CNTNAP2: variants seen among roughly 807,000 people sequenced by gnomAD.
CNTNAP2 encodes the protein contactin-associated protein-like 2.
In CNTNAP2, 98 loss-of-function variants were observed where a neutral mutation model predicts 155.2. The observed-to-expected ratio is 0.63, with a 90% CI of 0.54 to 0.75. The LOEUF is 0.75. CNTNAP2 is among the 30% of genes least tolerant of loss of function. The pLI is 0.00. For missense variants in CNTNAP2, 1,727 were observed against 1,688.1 expected, an observed-to-expected ratio of 1.02 and a Z score of -0.40; for synonymous variants, 651 against 631.2, an observed-to-expected ratio of 1.03 and a Z score of -0.47.
At chr7:146,744,698 A>C (rs1328973776) in intron 1 of CNTNAP2, among the ~76,000 whole-genome samples, 3 of 152,208 alleles carry the variant, frequency 2.0e-5, no homozygotes, top group South Asian at 2.1e-4. Context: ...ATTAAATAAA[A>C]TGGGTGAATA....
chr7:147,892,306 CAT>C (rs1290980102), intron 13 of CNTNAP2, among the ~76,000 whole-genome samples: 2 of 152,124 alleles, frequency 1.3e-5, no homozygotes, highest in East Asian at 3.8e-4. Context: ...GGAAAGAAGA[CAT>C]ATTTTTATAA....
At chr7:147,042,637 A>T (rs1163245606) in intron 3 of CNTNAP2, among the ~76,000 whole-genome samples, 1 of 152,194 alleles carries the variant, frequency 6.6e-6, no homozygotes, top group African/African-American at 2.4e-5. Flanking sequence ...TTTAAAAGAC[A>T]AAACTCCTGG....
At chr7:148,223,447 A>G (rs1220560718) in intron 19 of CNTNAP2, among the ~76,000 whole-genome samples, 1 of 152,202 alleles carries the variant, frequency 6.6e-6, no homozygotes, top group African/African-American at 2.4e-5. Context: ...AAATCTGTTA[A>G]GCATGTTATT....
chr7:147,236,978 T>C (rs1803819823), intron 8 of CNTNAP2, among the ~76,000 whole-genome samples: 1 of 151,326 alleles, frequency 6.6e-6, no homozygotes. Context: ...GTCAAAAACA[T>C]GATGACTTAA....
At chr7:147,316,337 C>A (rs1322571174) in intron 9 of CNTNAP2, among the ~76,000 whole-genome samples, 2 of 151,950 alleles carry the variant, frequency 1.3e-5, no homozygotes, top group Non-Finnish European at 2.9e-5. Context: ...CCTTAGATTT[C>A]ATGAAATGGA....
intron 21 of CNTNAP2, among the ~76,000 whole-genome samples, chr7:148,289,616 G>A (rs1041151306): frequency 6.6e-6 from 1 of 152,146 alleles, no homozygotes; most frequent in Non-Finnish European, 1.5e-5. Flanking sequence ...ATGTTGGGGA[G>A]GCGGGTAAAG....
chr7:146,199,877 T>A (rs6464733), intron 1 of CNTNAP2, among the ~76,000 whole-genome samples: 44,018 of 152,108 alleles, frequency 0.29, 7,221 homozygotes, highest in African/African-American at 0.44. Context: ...AATATTTCTG[T>A]TTCTATGCTT....
intron 9 of CNTNAP2, among the ~76,000 whole-genome samples, chr7:147,321,175 C>T (rs886843514): frequency 6.6e-6 from 1 of 152,174 alleles, no homozygotes; most frequent in Non-Finnish European, 1.5e-5. Flanking sequence ...GCACCTCCCT[C>T]CTTTTCTTCT....
At chr7:146,808,836 A>C (rs1803013786) in intron 2 of CNTNAP2, among the ~76,000 whole-genome samples, 2 of 152,146 alleles carry the variant, frequency 1.3e-5, no homozygotes, top group South Asian at 4.1e-4. Flanking sequence ...TATTCATAAA[A>C]TGTCCCTCCA....
chr7:146,154,841 A>C (rs1307096122), intron 1 of CNTNAP2, among the ~76,000 whole-genome samples: 1 of 152,190 alleles, frequency 6.6e-6, no homozygotes, highest in Non-Finnish European at 1.5e-5. Flanking sequence ...ACCTGGGAAG[A>C]GGGTATTCCT....
intron 13 of CNTNAP2, among the ~76,000 whole-genome samples, chr7:147,738,568 C>A (rs1796897990): frequency 6.6e-6 from 1 of 151,846 alleles, no homozygotes; most frequent in African/African-American, 2.4e-5. Flanking sequence ...AGCAATGAAG[C>A]ATTTTTTAAA....
At chr7:147,491,125 T>G (rs1348380512) in intron 11 of CNTNAP2, among the ~76,000 whole-genome samples, 2 of 152,090 alleles carry the variant, frequency 1.3e-5, no homozygotes, top group Non-Finnish European at 2.9e-5. Flanking sequence ...ATTTAGATAT[T>G]TAGCCTTAGG....
intron 13 of CNTNAP2, among the ~76,000 whole-genome samples, chr7:147,701,119 T>C (rs1395951392): frequency 6.6e-6 from 1 of 152,224 alleles, no homozygotes; most frequent in African/African-American, 2.4e-5. Flanking sequence ...TCCTTAGAGA[T>C]GCATTTTGCT....
chr7:146,381,479 G>T (rs1475635656), intron 1 of CNTNAP2, among the ~76,000 whole-genome samples: 1 of 152,082 alleles, frequency 6.6e-6, no homozygotes, highest in African/African-American at 2.4e-5. Context: ...AACTCTTTGT[G>T]CCTGCTTCTT....
chr7:146,511,430 C>T (rs762822969), intron 1 of CNTNAP2, among the ~76,000 whole-genome samples: 32 of 152,114 alleles, frequency 2.1e-4, no homozygotes, highest in African/African-American at 1.9e-4. Context: ...GGGTTTGTCA[C>T]GTAAGGCTTT....
chr7:146,718,173 G>A (rs917602661), intron 1 of CNTNAP2, among the ~76,000 whole-genome samples: 1 of 152,116 alleles, frequency 6.6e-6, no homozygotes, highest in Non-Finnish European at 1.5e-5. Flanking sequence ...TAAACAGTCA[G>A]TGCACATGTT....
At position 148,409,407 on chromosome 7, in the gene CNTNAP2, A is replaced by T. The variant is rs1277923465; in HGVS notation, c.3732A>T (p.Pro1244=). The change falls in exon 23 of 24, where the codon CCA becomes CCT. Residue 1244 remains proline, a synonymous_variant. Coordinates refer to ENST00000361727, the MANE Select transcript of CNTNAP2 (RefSeq NM_014141.6). ...DHLDSASADF[P]YNPGQGQAIR... ...TCTCTACAGCCAGTGCGGATTTTCCATATAATCCAGGACAAGGCCAAGCTA... is the reference window on the plus strand; with the variant it reads ...TCTCTACAGCCAGTGCGGATTTTCCTTATAATCCAGGACAAGGCCAAGCTA... The T allele has an allele frequency of 6.2e-7, 1 of 1,613,266 alleles. No individual in the cohort carries two copies. Among genetic ancestry groups the T allele is most frequent in the East Asian group, 2.2e-5 (1 of 44,890 alleles).
chr7:146,153,270 A>G (rs1214788506), intron 1 of CNTNAP2, among the ~76,000 whole-genome samples: 6 of 152,168 alleles, frequency 3.9e-5, no homozygotes, highest in African/African-American at 1.4e-4. Context: ...CTAATTATCG[A>G]GTACAGTTAC....
chr7:147,564,005 C>T (rs1253388996), intron 12 of CNTNAP2, among the ~76,000 whole-genome samples: 1 of 152,052 alleles, frequency 6.6e-6, no homozygotes, highest in Non-Finnish European at 1.5e-5. Flanking sequence ...TGGAAGCTGA[C>T]CAGCCTGGGC....
Sources: gnomAD v4.1 joint callset for allele counts (sites outside exome capture counted in the v4.1 genomes callset) on GRCh38, gnomAD v4.1.1 for gene constraint, MANE v1.5 for transcripts, NCBI Gene and HGNC (gene_info 2026-07-23, HGNC 2026-07-21) for gene names.